The following CPED1 variants were observed in gnomAD, a reference collection of about 807,000 sequenced individuals.
CPED1 encodes the protein cadherin-like and PC-esterase domain-containing protein 1.
A neutral mutation model predicts 128.2 loss-of-function variants in CPED1; 114 were observed. The observed-to-expected ratio is 0.89, with a 90% CI of 0.76 to 1.04. The LOEUF is 1.04. Among genes scored for constraint, CPED1 ranks in the 50% least tolerant of loss-of-function variants. The pLI, the probability that CPED1 is intolerant of heterozygous loss-of-function variation, is 0.00. For synonymous variants in CPED1, 462 were observed against 426.7 expected (o/e 1.08, Z -1.02); for missense variants, 1,211 against 1,207.1 (o/e 1.00, Z -0.05).
At chr7:121,226,991 C>T (rs905561640) in intron 16 of CPED1, among the ~76,000 whole-genome samples, 2 of 151,964 alleles carry the variant, frequency 1.3e-5, no homozygotes, top group Non-Finnish European at 2.9e-5. Flanking sequence ...ACAAGGAATC[C>T]ATTTGGAAAT....
chr7:121,242,265 CTG>C (rs1220417183), intron 17 of CPED1, among the ~76,000 whole-genome samples: 9 of 152,296 alleles, frequency 5.9e-5, no homozygotes, highest in African/African-American at 1.9e-4. Context: ...AGCATGGACT[CTG>C]GAGCTGACTG....
chr7:121,078,216 T>G (rs1274483919), intron 5 of CPED1, among the ~76,000 whole-genome samples: 1 of 152,068 alleles, frequency 6.6e-6, no homozygotes, highest in African/African-American at 2.4e-5. Flanking sequence ...AGCTAATTTT[T>G]GTATTTTTGA....
intron 16 of CPED1, among the ~76,000 whole-genome samples, 162 bp downstream of exon 16, chr7:121,142,303 C>T (rs957570317): frequency 6.6e-6 from 1 of 152,014 alleles, no homozygotes; most frequent in African/African-American, 2.4e-5. Flanking sequence ...ATCTAAGTCA[C>T]CTCGTTGTGA....
chr7:121,096,646 A>G (rs1322393649), intron 5 of CPED1, among the ~76,000 whole-genome samples: 1 of 152,210 alleles, frequency 6.6e-6, no homozygotes, highest in Non-Finnish European at 1.5e-5. Context: ...TACTTTTGAA[A>G]TAGCAAAAGA....
intron 17 of CPED1, among the ~76,000 whole-genome samples, chr7:121,237,321 T>G (rs776548948): frequency 1.3e-4 from 20 of 152,148 alleles, no homozygotes; most frequent in Non-Finnish European, 2.6e-4. Context: ...AAAATAAATA[T>G]CTGGTGTGAA....
intron 5 of CPED1, among the ~76,000 whole-genome samples, chr7:121,091,096 TTTTAA>T (rs1484675688): frequency 6.6e-6 from 1 of 152,168 alleles, no homozygotes; most frequent in Non-Finnish European, 1.5e-5. Context: ...GCTATTTCTG[TTTTAA>T]TTTGAGTTGG....
intron 16 of CPED1, among the ~76,000 whole-genome samples, chr7:121,219,153 T>C (rs1036786392): frequency 6.6e-6 from 1 of 152,050 alleles, no homozygotes; most frequent in Non-Finnish European, 1.5e-5. Context: ...TTTGTATTCA[T>C]ATTTACCCAT....
At chr7:121,193,772 T>C (rs1041490825) in intron 16 of CPED1, among the ~76,000 whole-genome samples, 15 of 151,974 alleles carry the variant, frequency 9.9e-5, no homozygotes, top group Admixed American at 7.9e-4. Context: ...CCAGGGTTAG[T>C]TGTAGTTAAG....
At chr7:121,215,928 TTAATAATAG>T (rs1484459839) in intron 16 of CPED1, among the ~76,000 whole-genome samples, 2 of 151,832 alleles carry the variant, frequency 1.3e-5, no homozygotes, top group Non-Finnish European at 2.9e-5. Flanking sequence ...AATAATAATA[TTAATAATAG>T]TAATAATAAT....
chr7:121,235,992 A>G (rs1047913045), intron 16 of CPED1, among the ~76,000 whole-genome samples: 5 of 152,130 alleles, frequency 3.3e-5, no homozygotes, highest in African/African-American at 9.7e-5. Context: ...GTGGAACCAC[A>G]TGAAGTAGGA....
At chr7:121,064,424 A>G (rs537339287) in intron 5 of CPED1, 111 bp downstream of exon 5, 3 of 718,836 alleles carry the variant, frequency 4.2e-6, no homozygotes, top group African/African-American at 3.5e-5. Flanking sequence ...TTGTCTATCA[A>G]TTCGGCAATC....
intron 16 of CPED1, among the ~76,000 whole-genome samples, chr7:121,219,522 G>A (rs1797831746): frequency 6.6e-6 from 1 of 152,016 alleles, no homozygotes; most frequent in African/African-American, 2.4e-5. Flanking sequence ...ACATTTAGTT[G>A]AGTAGAACTA....
At chr7:121,094,215 A>G (rs902410926) in intron 5 of CPED1, among the ~76,000 whole-genome samples, 2 of 152,192 alleles carry the variant, frequency 1.3e-5, no homozygotes, top group Non-Finnish European at 2.9e-5. Flanking sequence ...TTAAAATAAG[A>G]AAATGCTGGC....
intron 18 of CPED1, among the ~76,000 whole-genome samples, chr7:121,251,370 A>G (rs1052044566): frequency 7.2e-5 from 11 of 152,094 alleles, no homozygotes; most frequent in Non-Finnish European, 1.5e-4. Context: ...TACTGAATGG[A>G]CAAAAACTGG....
chr7:121,272,291 G>A (rs954985491), intron 22 of CPED1, among the ~76,000 whole-genome samples: 2 of 152,126 alleles, frequency 1.3e-5, no homozygotes, highest in African/African-American at 4.8e-5. Flanking sequence ...GCGTTGGTCA[G>A]AGTAGAGACG....
chr7:121,278,809 A>G (rs149333699), intron 22 of CPED1, among the ~76,000 whole-genome samples: 4 of 152,276 alleles, frequency 2.6e-5, no homozygotes, highest in Admixed American at 1.3e-4. Flanking sequence ...TAAGAAGGAT[A>G]ATTAAATGGA....
intron 18 of CPED1, among the ~76,000 whole-genome samples, chr7:121,247,643 C>T (rs1396212073): frequency 6.6e-6 from 1 of 152,146 alleles, no homozygotes; most frequent in Non-Finnish European, 1.5e-5. Flanking sequence ...CCCACACTTG[C>T]TGTGGACTTC....
chr7:121,294,513 G>A (rs949815711), intron 22 of CPED1, among the ~76,000 whole-genome samples: 10 of 152,122 alleles, frequency 6.6e-5, no homozygotes, highest in Admixed American at 2.6e-4. Context: ...CAGATGCCAT[G>A]TCTGTGTCTC....
chr7:120,989,608 A>C lies in CPED1; in HGVS notation c.-14A>C. ...CCGCAACGTGGACAGGGGCCAAGTGAAGCTGAACTGGTCATGGTCTGTCGC... is the reference window on the plus strand; with the variant it reads ...CCGCAACGTGGACAGGGGCCAAGTGCAGCTGAACTGGTCATGGTCTGTCGC... On this transcript the variant is annotated 5_prime_UTR_variant, in exon 2 of 23. The change abolishes the stop of an existing upstream ORF in the 5' untranslated region. Transcript: ENST00000310396. 6.2e-7 allele frequency: 1 copy of C among 1,613,446 alleles called. No homozygotes were observed. The highest frequency in any genetic ancestry group is 8.5e-7 in the Non-Finnish European group (1 of 1,179,766).
Sources: gnomAD v4.1 joint callset for allele counts (sites outside exome capture counted in the v4.1 genomes callset) on GRCh38, gnomAD v4.1.1 for gene constraint, MANE v1.5 for transcripts, NCBI Gene and HGNC (gene_info 2026-07-23, HGNC 2026-07-21) for gene names.